The following CNTN1 variants were observed in gnomAD, a reference collection of about 807,000 sequenced individuals.
CNTN1 encodes the protein contactin 1.
In CNTN1, 38 loss-of-function variants were observed where a neutral mutation model predicts 126.4. The ratio of observed to expected loss-of-function variants is 0.30; its 90% CI spans 0.23 to 0.39. The LOEUF (loss-of-function observed/expected upper bound fraction) is 0.39, where lower values mean the gene tolerates loss of function less well. Ranked by LOEUF, CNTN1 falls within the 10% of genes least tolerant of loss-of-function variation. The pLI is 1.00. For synonymous variants in CNTN1, 413 were observed against 422.6 expected (o/e 0.98, Z 0.28); for missense variants, 1,009 against 1,248.4 (o/e 0.81, Z 2.89).
At chr12:40,866,919 G>T (rs1000966240) in intron 1 of CNTN1, among the ~76,000 whole-genome samples, 5 of 152,096 alleles carry the variant, frequency 3.3e-5, no homozygotes, top group Admixed American at 2.6e-4. Context: ...ACTTTGTGAA[G>T]TCTTTCTGTG....
chr12:40,800,167 C>T (rs1177137227), intron 1 of CNTN1, among the ~76,000 whole-genome samples: 3 of 151,964 alleles, frequency 2.0e-5, no homozygotes, highest in African/African-American at 7.2e-5. Flanking sequence ...ATGCTGTTCT[C>T]ATGACAGTGA....
chr12:41,055,433 AC>A (rs1373119385), intron 23 of CNTN1, among the ~76,000 whole-genome samples: 9 of 151,736 alleles, frequency 5.9e-5, no homozygotes, highest in African/African-American at 2.2e-4. Context: ...CCTCCAGGAA[AC>A]CCCTTTTCTG....
chr12:40,966,084 C>T (rs1308354375), intron 15 of CNTN1, among the ~76,000 whole-genome samples: 1 of 150,978 alleles, frequency 6.6e-6, no homozygotes, highest in Non-Finnish European at 1.5e-5. Context: ...CATATAAAGG[C>T]AGAAAGATCT....
chr12:40,870,445 G>C (rs1480344102), intron 1 of CNTN1, among the ~76,000 whole-genome samples: 4 of 152,152 alleles, frequency 2.6e-5, no homozygotes, highest in African/African-American at 9.6e-5. Flanking sequence ...GCAGTCTAGG[G>C]AGACTTGGTA....
intron 1 of CNTN1, among the ~76,000 whole-genome samples, chr12:40,836,617 A>G (rs547179090): frequency 6.6e-6 from 1 of 152,310 alleles, no homozygotes; most frequent in East Asian, 1.9e-4. Context: ...AAATCAGGAG[A>G]GGACATCAAG....
At chr12:40,909,984 G>T (rs938586670) in intron 2 of CNTN1, 89 bp from the exon 3 acceptor site, 27 of 961,098 alleles carry the variant, frequency 2.8e-5, no homozygotes, top group South Asian at 1.7e-4. Context: ...TCATTCCATT[G>T]TCTAGCATCT....
At position 40,918,857 on chromosome 12, in the gene CNTN1, T is replaced by C. The variant is rs1472901445; in HGVS notation, c.227+86T>C. 6 of 1,507,934 alleles carry C rather than the reference T, an allele frequency of 4.0e-6. No individual in the cohort carries two copies. The African/African-American group carries it at 4.1e-5, about 10-fold the overall frequency. 93.4% of individuals were successfully genotyped at this position (1,507,934 alleles called of 1,614,324 possible). On this transcript the variant is annotated intron_variant, in intron 4 of 23. Transcript: ENST00000551295. Reference sequence around the variant, plus strand: ...TCTATGAACTTGTACAGATGTAATATAGTGCTTTCTGCAAATTCCATGGAC... The same window carrying C: ...TCTATGAACTTGTACAGATGTAATACAGTGCTTTCTGCAAATTCCATGGAC...
At chr12:41,022,363 T>G (rs1314210412) in intron 20 of CNTN1, among the ~76,000 whole-genome samples, 1 of 152,182 alleles carries the variant, frequency 6.6e-6, no homozygotes, top group Non-Finnish European at 1.5e-5. Flanking sequence ...CTTTTCCAAC[T>G]TACATTAAGT....
At chr12:40,727,952 G>T (rs138627642) in intron 1 of CNTN1, among the ~76,000 whole-genome samples, 1 of 152,164 alleles carries the variant, frequency 6.6e-6, no homozygotes, top group East Asian at 1.9e-4. Context: ...AGAGGTGTCC[G>T]CCCTCAGGCA....
intron 1 of CNTN1, among the ~76,000 whole-genome samples, chr12:40,847,252 A>G (rs1942544567): frequency 6.6e-6 from 1 of 152,096 alleles, no homozygotes; most frequent in African/African-American, 2.4e-5. Flanking sequence ...TTTTTCTTCA[A>G]TTAATAACGT....
At chr12:40,923,416 G>A (rs531483173) in intron 5 of CNTN1, among the ~76,000 whole-genome samples, 1 of 152,108 alleles carries the variant, frequency 6.6e-6, no homozygotes, top group Non-Finnish European at 1.5e-5. Context: ...TCATGGTAGG[G>A]TTTATCAGGA....
intron 20 of CNTN1, 48 bp from the exon 21 acceptor site, chr12:41,025,102 G>A: frequency 6.3e-7 from 1 of 1,588,954 alleles, no homozygotes; most frequent in Non-Finnish European, 8.6e-7. Flanking sequence ...TTTCATAGCT[G>A]AAGACTCTAA....
intron 1 of CNTN1, among the ~76,000 whole-genome samples, chr12:40,840,202 T>C (rs1311121711): frequency 1.3e-5 from 2 of 152,040 alleles, no homozygotes. Flanking sequence ...GCTACATTTA[T>C]ATCAGGTAAA....
At chr12:40,881,236 A>G (rs890047787) in intron 1 of CNTN1, among the ~76,000 whole-genome samples, 2 of 151,954 alleles carry the variant, frequency 1.3e-5, no homozygotes, top group African/African-American at 2.4e-5. Context: ...TAATAGCACT[A>G]TGCTGAAAGG....
chr12:40,720,627 G>A (rs1381028090), intron 1 of CNTN1, among the ~76,000 whole-genome samples: 1 of 152,030 alleles, frequency 6.6e-6, no homozygotes, highest in Non-Finnish European at 1.5e-5. Context: ...AATTTTTTGT[G>A]TAATTAAAAT....
chr12:41,040,981 C>T, intron 23 of CNTN1, among the ~76,000 whole-genome samples: 2 of 142,402 alleles, frequency 1.4e-5, no homozygotes, highest in Non-Finnish European at 3.0e-5. Flanking sequence ...GAGGGCATCC[C>T]TGTCTTGTGC....
chr12:40,751,453 T>C (rs75679087), intron 1 of CNTN1, among the ~76,000 whole-genome samples: 239 of 152,166 alleles, frequency 1.6e-3, no homozygotes, highest in Non-Finnish European at 2.2e-3. Flanking sequence ...GGTTAGGTTC[T>C]TTCTTTTAGC....
intron 1 of CNTN1, among the ~76,000 whole-genome samples, chr12:40,811,287 C>T (rs1592112662): frequency 6.6e-6 from 1 of 152,108 alleles, no homozygotes; most frequent in Non-Finnish European, 1.5e-5. Flanking sequence ...GTATTTTATA[C>T]AGGCAACACA....
At chr12:40,810,585 A>C (rs954607064) in intron 1 of CNTN1, among the ~76,000 whole-genome samples, 2 of 127,064 alleles carry the variant, frequency 1.6e-5, no homozygotes, top group Non-Finnish European at 3.3e-5. Context: ...TTCTGTTTCT[A>C]TGAGATTGAT....
Sources: allele counts gnomAD v4.1 joint callset (sites outside exome capture counted in the v4.1 genomes callset), GRCh38; gene constraint gnomAD v4.1.1; transcripts MANE v1.5; gene names NCBI Gene and HGNC (gene_info 2026-07-23, HGNC 2026-07-21).